Variants in MKLN1 observed in about 807,000 individuals in gnomAD.
MKLN1 encodes the protein muskelin 1.
Under a neutral mutation model 99.0 loss-of-function variants are expected in MKLN1, and 18 were observed. That is an observed-to-expected ratio of 0.18 (90% CI 0.13 to 0.27). MKLN1 has a LOEUF of 0.27. Among genes scored for constraint, MKLN1 ranks in the 10% least tolerant of loss-of-function variants. The pLI, the probability that MKLN1 is intolerant of heterozygous loss-of-function variation, is 1.00. For missense variants in MKLN1, 621 were observed against 875.9 expected, an observed-to-expected ratio of 0.71 and a Z score of 3.67; for synonymous variants, 288 against 293.2, an observed-to-expected ratio of 0.98 and a Z score of 0.18.
chr7:131,241,167 C>T (rs7808140), intron 3 of MKLN1, among the ~76,000 whole-genome samples: 28,457 of 151,882 alleles, frequency 0.19, 3,164 homozygotes, highest in African/African-American at 0.31. Flanking sequence ...CACTTGAGGC[C>T]AGGAGTTTGA....
At chr7:131,364,747 A>G (rs1201492357) in intron 1 of MKLN1, among the ~76,000 whole-genome samples, 1 of 152,086 alleles carries the variant, frequency 6.6e-6, no homozygotes, top group Non-Finnish European at 1.5e-5. Context: ...TGAGGATAAT[A>G]GTCTCCAGAT....
chr7:131,358,583 G>C (rs530834697), intron 1 of MKLN1, among the ~76,000 whole-genome samples: 1 of 152,202 alleles, frequency 6.6e-6, no homozygotes, highest in African/African-American at 2.4e-5. Context: ...ATTCTTTTCT[G>C]AAAGACATTC....
Position 131,220,327 on chromosome 7 carries a change from GCC to G in MKLN1, c.-179+17357_-179+17358del, listed in dbSNP as rs369199980. Among the ~76,000 whole-genome samples, 296 of 152,212 alleles carry G rather than the reference GCC, an allele frequency of 1.9e-3. 12 individuals carry two copies. The South Asian group carries it at 0.058, about 30-fold the overall frequency. ...CCATAACCTGTTTTATAAGGATCAA[GCC>G]CCCATTTTTTTCTGTAACCTCAAGA... is the stretch of plus-strand genomic sequence containing the variant. On this transcript the variant is annotated intron_variant, in intron 3 of 7. Transcript: ENST00000416992.
intron 12 of MKLN1, 101 bp downstream of exon 12, chr7:131,446,004 T>A: frequency 1.3e-6 from 1 of 756,392 alleles, no homozygotes. Flanking sequence ...ACCCTTTCTT[T>A]ATTTCTTTAA....
At chr7:131,275,221 T>G (rs960103094) in intron 3 of MKLN1, among the ~76,000 whole-genome samples, 3 of 152,032 alleles carry the variant, frequency 2.0e-5, no homozygotes, top group African/African-American at 7.2e-5. Flanking sequence ...GCTGTATCCT[T>G]GCTTGCATTG....
chr7:131,317,637 C>A (rs188171516), intron 3 of MKLN1, among the ~76,000 whole-genome samples: 1 of 151,730 alleles, frequency 6.6e-6, no homozygotes, highest in Non-Finnish European at 1.5e-5. Flanking sequence ...GGCTGAACGC[C>A]CTAATTAAAA....
intron 2 of MKLN1, among the ~76,000 whole-genome samples, chr7:131,197,339 G>T (rs1397554188): frequency 6.6e-6 from 1 of 151,188 alleles, no homozygotes; most frequent in East Asian, 1.9e-4. Context: ...GAATAGCTGG[G>T]ACTACAAATG....
intron 1 of MKLN1, among the ~76,000 whole-genome samples, chr7:131,125,873 G>A (rs1467640822): frequency 6.6e-6 from 1 of 151,790 alleles, no homozygotes; most frequent in African/African-American, 2.4e-5. Context: ...GGGCGTGGTG[G>A]TGGCCACCTG....
At chr7:131,255,213 A>T (rs1324544226) in intron 3 of MKLN1, among the ~76,000 whole-genome samples, 1 of 152,118 alleles carries the variant, frequency 6.6e-6, no homozygotes, top group African/African-American at 2.4e-5. Flanking sequence ...AAGTGCTGAG[A>T]TTATAGGTGT....
chr7:131,420,569 C>G (rs1563339592), intron 8 of MKLN1, among the ~76,000 whole-genome samples: 1 of 152,130 alleles, frequency 6.6e-6, no homozygotes, highest in African/African-American at 2.4e-5. Flanking sequence ...ATAGGTATGT[C>G]AAGTAAGCAG....
intron 2 of MKLN1, among the ~76,000 whole-genome samples, chr7:131,172,294 CA>C (rs1796227025): frequency 6.7e-6 from 1 of 148,506 alleles, no homozygotes; most frequent in African/African-American, 2.5e-5. Context: ...GCGCCTGCCA[CA>C]ACACCAGGCT....
chr7:131,352,640 G>A (rs1450672199), intron 1 of MKLN1, among the ~76,000 whole-genome samples: 2 of 151,950 alleles, frequency 1.3e-5, no homozygotes, highest in Admixed American at 6.5e-5. Context: ...TAATATCAGT[G>A]TTATTACTGG....
At chr7:131,360,978 C>G (rs902921297) in intron 1 of MKLN1, among the ~76,000 whole-genome samples, 4 of 152,082 alleles carry the variant, frequency 2.6e-5, no homozygotes, top group Admixed American at 6.6e-5. Flanking sequence ...CGTTCCCACT[C>G]TTTTCTTGCT....
At chr7:131,215,883 C>G (rs956363078) in intron 3 of MKLN1, among the ~76,000 whole-genome samples, 2 of 152,030 alleles carry the variant, frequency 1.3e-5, no homozygotes, top group Non-Finnish European at 2.9e-5. Flanking sequence ...GCCTAACAAG[C>G]CAGTTTGTTT....
chr7:131,395,061 A>G (rs1293899710), intron 4 of MKLN1, among the ~76,000 whole-genome samples: 4 of 152,244 alleles, frequency 2.6e-5, no homozygotes, highest in African/African-American at 9.6e-5. Context: ...AAGTGTTGGG[A>G]ATCAGTTAAG....
intron 2 of MKLN1, among the ~76,000 whole-genome samples, chr7:131,174,352 C>T (rs1584808712): frequency 6.6e-6 from 1 of 152,110 alleles, no homozygotes; most frequent in African/African-American, 2.4e-5. Flanking sequence ...TTTTCAGAGA[C>T]ACAGATGGCA....
In MKLN1 at chr7:131,399,430, A is replaced by G. The variant is rs780517854; in HGVS notation, c.700A>G (p.Asn234Asp). 1 of 1,613,312 alleles carries G rather than the reference A, an allele frequency of 6.2e-7. No individual in the cohort carries two copies. The highest frequency in any genetic ancestry group is 8.5e-7 in the Non-Finnish European group (1 of 1,179,490). ...ACEELIEKAV[N>D]DGLFNQYISQ... is the part of the protein sequence containing the mutation. Reference sequence around the variant, plus strand: ...CGAAGAGTTGATTGAAAAGGCTGTAAATGGTATGAAACTTAGATTGGTTAT... The same window carrying G: ...CGAAGAGTTGATTGAAAAGGCTGTAGATGGTATGAAACTTAGATTGGTTAT... Residue 234 changes from asparagine to aspartate, a missense_variant, in exon 6 of 18, where the codon AAT (asparagine) becomes GAT (aspartate). Asn to Asp is a conservative substitution (Grantham distance 23). This residue lies in a region of MKLN1 where 361 missense variants were observed against 540.8 expected (regional missense o/e 0.67). Transcript: ENST00000352689.
chr7:131,155,126 T>G (rs1795944719), intron 2 of MKLN1, among the ~76,000 whole-genome samples: 2 of 152,194 alleles, frequency 1.3e-5, no homozygotes, highest in Non-Finnish European at 2.9e-5. Flanking sequence ...TGCTGTAACA[T>G]TTTCATATTT....
At chr7:131,250,918 T>C (rs915030585) in intron 3 of MKLN1, among the ~76,000 whole-genome samples, 4 of 151,612 alleles carry the variant, frequency 2.6e-5, no homozygotes, top group African/African-American at 9.7e-5. Context: ...GAGAAACAGG[T>C]ATAGATATGG....
Sources: gnomAD v4.1 joint callset for allele counts (sites outside exome capture counted in the v4.1 genomes callset) on GRCh38, gnomAD v4.1.1 for gene constraint, gnomAD v4.1.1 regional missense constraint, MANE v1.5 for transcripts, NCBI Gene and HGNC (gene_info 2026-07-23, HGNC 2026-07-21) for gene names.